The following ZNF804B variants were observed in gnomAD, a reference collection of about 807,000 sequenced individuals.
The protein encoded by ZNF804B is zinc finger 804B.
A neutral mutation model predicts 101.4 loss-of-function variants in ZNF804B; 80 were observed. The ratio of observed to expected loss-of-function variants is 0.79; its 90% CI spans 0.66 to 0.95. The LOEUF (loss-of-function observed/expected upper bound fraction) is 0.95, where lower values mean the gene tolerates loss of function less well. Ranked by LOEUF, ZNF804B falls within the 40% of genes least tolerant of loss-of-function variation. The pLI is 0.00. For missense variants in ZNF804B, 1,673 were observed against 1,561.9 expected, an observed-to-expected ratio of 1.07 and a Z score of -1.20; for synonymous variants, 622 against 558.8, an observed-to-expected ratio of 1.11 and a Z score of -1.59.
intron 2 of ZNF804B, among the ~76,000 whole-genome samples, chr7:89,286,722 T>A (rs1336663224): frequency 6.6e-6 from 1 of 152,204 alleles, no homozygotes; most frequent in East Asian, 1.9e-4. Flanking sequence ...TTAGACAATC[T>A]GTCTGAAGGG....
intron 2 of ZNF804B, among the ~76,000 whole-genome samples, chr7:89,311,533 C>T (rs909982976): frequency 6.6e-5 from 10 of 152,126 alleles, no homozygotes; most frequent in African/African-American, 2.4e-4. Context: ...TTAGTCAAGA[C>T]ATAATCTTCC....
intron 2 of ZNF804B, among the ~76,000 whole-genome samples, chr7:89,241,421 A>G (rs1789370314): frequency 6.6e-6 from 1 of 151,980 alleles, no homozygotes; most frequent in South Asian, 2.1e-4. Context: ...GAAATACACT[A>G]TTTACCCTCA....
At chr7:88,764,076 A>G (rs1789943343) in intron 1 of ZNF804B, among the ~76,000 whole-genome samples, 1 of 152,218 alleles carries the variant, frequency 6.6e-6, no homozygotes, top group Admixed American at 6.5e-5. Context: ...AATAAAACAA[A>G]TAGCTTCTAT....
At chr7:89,028,837 G>T (rs998670935) in intron 1 of ZNF804B, among the ~76,000 whole-genome samples, 1 of 152,068 alleles carries the variant, frequency 6.6e-6, no homozygotes, top group Non-Finnish European at 1.5e-5. Flanking sequence ...TAAAGAACCT[G>T]AAGTAGTACC....
chr7:88,759,934 G>C lies in ZNF804B; in HGVS notation c.-43G>C, dbSNP rs111326915. The stretch of plus-strand genomic sequence containing the variant: ...ACCCGCCCGCTTTCCACGGCTGGTC[G>C]CCTGGTGAGGAGTTGAGACTCTGCG... On this transcript the variant is annotated 5_prime_UTR_variant, in exon 1 of 4. Transcript: ENST00000333190. The C allele has an allele frequency of 1.3e-5, 20 of 1,556,844 alleles. No individual in the cohort carries two copies. The African/African-American group carries it at 2.0e-4, about 16-fold the overall frequency.
intron 1 of ZNF804B, among the ~76,000 whole-genome samples, chr7:88,881,816 G>T (rs1792047422): frequency 6.6e-6 from 1 of 152,086 alleles, no homozygotes; most frequent in African/African-American, 2.4e-5. Flanking sequence ...ACATTACTAT[G>T]TACAACTTAT....
intron 2 of ZNF804B, among the ~76,000 whole-genome samples, chr7:89,229,068 G>T (rs961907917): frequency 2.0e-5 from 3 of 152,194 alleles, no homozygotes; most frequent in Non-Finnish European, 4.4e-5. Context: ...GCGCTGGCAC[G>T]CAAGCACCAC....
chr7:88,872,171 C>G (rs929200592), intron 1 of ZNF804B, among the ~76,000 whole-genome samples: 1 of 152,058 alleles, frequency 6.6e-6, no homozygotes, highest in South Asian at 2.1e-4. Context: ...TATTGAAATG[C>G]TATAAAATAG....
chr7:89,327,543 T>A, intron 3 of ZNF804B, 69 bp downstream of exon 3: 1 of 1,566,630 alleles, frequency 6.4e-7, no homozygotes, highest in Non-Finnish European at 8.6e-7. Flanking sequence ...TAAAGGCAAA[T>A]CTACTGTAAC....
rs1562816382 is a variant in ZNF804B, at chr7:88,865,145, T to C, written c.108+105061T>C. Among the ~76,000 whole-genome samples the C allele has an allele frequency of 2.0e-5, 3 of 151,474 alleles. No homozygotes were observed. In the South Asian group the frequency reaches 6.2e-4, roughly 32 times the overall value. On this transcript the variant is annotated intron_variant, in intron 1 of 3. Coordinates refer to ENST00000333190, the MANE Select transcript of ZNF804B (RefSeq NM_181646.5). ...TGGGAGGCTGAGGCAGAAGAATCAC[T>C]TGAACCCAGGAGGCGAAGGTTGTGG... is the stretch of plus-strand genomic sequence containing the variant.
At chr7:89,002,789 A>C (rs1243227881) in intron 1 of ZNF804B, among the ~76,000 whole-genome samples, 1 of 151,950 alleles carries the variant, frequency 6.6e-6, no homozygotes, top group Non-Finnish European at 1.5e-5. Context: ...AAGGAAGTGA[A>C]CCAAATATGT....
chr7:89,328,443 CA>C (rs879793440), intron 3 of ZNF804B, among the ~76,000 whole-genome samples: 5 of 151,578 alleles, frequency 3.3e-5, no homozygotes, highest in Non-Finnish European at 5.9e-5. Flanking sequence ...CATATGAAGA[CA>C]AAATAAAGGT....
intron 2 of ZNF804B, among the ~76,000 whole-genome samples, chr7:89,265,287 T>TGC (rs1305175529): frequency 0.011 from 1,157 of 107,524 alleles, 12 homozygotes; most frequent in African/African-American, 0.032. Context: ...TGTGTGTGTG[T>TGC]GTGTGTGCGC....
At chr7:89,317,186 G>A (rs1056309140) in intron 2 of ZNF804B, among the ~76,000 whole-genome samples, 2 of 152,090 alleles carry the variant, frequency 1.3e-5, no homozygotes, top group Non-Finnish European at 2.9e-5. Context: ...ACAGTGGGAG[G>A]GACAAGAATT....
chr7:89,147,082 G>T lies in ZNF804B; in HGVS notation c.109-71073G>T, dbSNP rs1790802228. Among the ~76,000 whole-genome samples, 4 of 117,570 alleles carry T rather than the reference G, an allele frequency of 3.4e-5. No individual in the cohort carries two copies. The South Asian group carries it at 7.5e-4, about 22-fold the overall frequency. 77.1% of individuals were successfully genotyped at this position (117,570 alleles called of 152,430 possible). On this transcript the variant is annotated intron_variant, in intron 1 of 3. Transcript: ENST00000333190. ...CTTGTATCAAAAAATAGGATAATCA[G>T]GTATATATATATATATATATTTAAT... is the stretch of plus-strand genomic sequence containing the variant.
chr7:89,272,359 T>C (rs1789911413), intron 2 of ZNF804B, among the ~76,000 whole-genome samples: 1 of 152,120 alleles, frequency 6.6e-6, no homozygotes, highest in Non-Finnish European at 1.5e-5. Context: ...AATTTATGCC[T>C]TGAGTACTTC....
chr7:89,279,954 C>G (rs1157185231), intron 2 of ZNF804B, among the ~76,000 whole-genome samples: 2 of 152,026 alleles, frequency 1.3e-5, no homozygotes, highest in Admixed American at 6.6e-5. Context: ...ACAGAATATA[C>G]ATTTTTTTCA....
At chr7:88,768,297 T>C (rs1242659731) in intron 1 of ZNF804B, among the ~76,000 whole-genome samples, 2 of 152,252 alleles carry the variant, frequency 1.3e-5, no homozygotes, top group Non-Finnish European at 2.9e-5. Flanking sequence ...ATACCTCTTC[T>C]GCAATTTCAC....
chr7:89,040,498 T>A (rs1788999869), intron 1 of ZNF804B, among the ~76,000 whole-genome samples: 1 of 152,198 alleles, frequency 6.6e-6, no homozygotes, highest in Admixed American at 6.5e-5. Flanking sequence ...AAAACTCTGA[T>A]TTCATTGATA....
Sources: allele counts gnomAD v4.1 joint callset (sites outside exome capture counted in the v4.1 genomes callset), GRCh38; gene constraint gnomAD v4.1.1; transcripts MANE v1.5; gene names NCBI Gene and HGNC (gene_info 2026-07-23, HGNC 2026-07-21).